Variants in MAPRE2 observed in about 807,000 individuals in gnomAD.
MAPRE2 encodes microtubule-associated protein RP/EB family member 2.
A neutral mutation model predicts 43.2 loss-of-function variants in MAPRE2; 13 were observed. The observed-to-expected ratio is 0.30, with a 90% CI of 0.20 to 0.48. The LOEUF is 0.48. Ranked by LOEUF, MAPRE2 falls within the 20% of genes least tolerant of loss-of-function variation. MAPRE2 has a pLI of 0.99. For synonymous variants in MAPRE2, 135 were observed against 148.8 expected (o/e 0.91, Z 0.68); for missense variants, 161 against 400.2 (o/e 0.40, Z 5.10).
At chr18:34,980,845 A>T (rs1231974464) in intron 1 of MAPRE2, among the ~76,000 whole-genome samples, 1 of 152,212 alleles carries the variant, frequency 6.6e-6, no homozygotes, top group Non-Finnish European at 1.5e-5. Context: ...TGTAGAATAG[A>T]TTAATAGTTA....
In MAPRE2 at chr18:35,025,287, T is replaced by A. The variant is rs1258209606; in HGVS notation, c.-8+19734T>A. Among the ~76,000 whole-genome samples the A allele has an allele frequency of 2.0e-5, 3 of 152,234 alleles. No homozygotes were observed. The East Asian group carries it at 5.8e-4, about 29-fold the overall frequency. On this transcript the variant is annotated intron_variant, in intron 2 of 7. Coordinates refer to the MAPRE2 transcript ENST00000413393. ...GAATGTGAAGCTGCTGTTCAGCCTG[T>A]TGTGTCCAAATGTAAGTGACTGGCC...
chr18:35,137,423 C>T (rs1001954525), intron 6 of MAPRE2, among the ~76,000 whole-genome samples: 2 of 152,244 alleles, frequency 1.3e-5, no homozygotes, highest in African/African-American at 4.8e-5. Flanking sequence ...TTATTACAGG[C>T]TCAATGATTA....
In MAPRE2 at chr18:34,979,152, G is replaced by A. The variant is rs73422616; in HGVS notation, c.-70+2073G>A. 4.4e-3 allele frequency among the ~76,000 whole-genome samples: 666 copies of A among 152,270 alleles called. 4 individuals are homozygous for A. Among genetic ancestry groups the A allele is most frequent in the African/African-American group, 0.015 (635 of 41,538 alleles). On this transcript the variant is annotated intron_variant, in intron 1 of 7. Coordinates refer to the MAPRE2 transcript ENST00000413393. ...CTGTCATCTAGCAGCCTAGCTGGTG[G>A]TGACACCTACCACAACATTTTTCCC...
chr18:35,070,117 A>T (rs939196835), intron 1 of MAPRE2, 78 bp from the exon 2 acceptor site: 7 of 1,339,146 alleles, frequency 5.2e-6, no homozygotes, highest in Middle Eastern at 1.9e-4. Flanking sequence ...TCCTGCCAGG[A>T]TCTTGACCTC....
At chr18:35,011,320 T>G (rs1407023211) in intron 2 of MAPRE2, among the ~76,000 whole-genome samples, 1 of 152,112 alleles carries the variant, frequency 6.6e-6, no homozygotes, top group Admixed American at 6.6e-5. Context: ...GAGGAGGACT[T>G]CAGAGAAAGG....
intron 1 of MAPRE2, 107 bp downstream of exon 1, chr18:35,041,768 C>G: frequency 1.3e-6 from 2 of 1,569,876 alleles, no homozygotes; most frequent in Non-Finnish European, 1.7e-6. Context: ...CTGCTGCAGG[C>G]ATGCATTTGT....
chr18:35,056,809 C>A lies in MAPRE2; in HGVS notation c.123-13386C>A, dbSNP rs560971605. The stretch of plus-strand genomic sequence containing the variant: ...TTTATCCCAAGTTTAACAAAACATT[C>A]TCAATTCAGTAATGACCCCTATCCC... On this transcript the variant is annotated intron_variant, in intron 1 of 6. Coordinates refer to ENST00000300249, the MANE Select transcript of MAPRE2 (RefSeq NM_014268.4). Among the ~76,000 whole-genome samples the A allele has an allele frequency of 1.7e-4, 26 of 152,278 alleles. 1 individual carries two copies. The highest frequency in any genetic ancestry group is 1.6e-3 in the Admixed American group (24 of 15,294).
intron 1 of MAPRE2, among the ~76,000 whole-genome samples, chr18:35,003,707 C>T (rs895525729): frequency 2.0e-5 from 3 of 152,122 alleles, no homozygotes; most frequent in African/African-American, 7.2e-5. Flanking sequence ...GCTTGCACAG[C>T]TACTGGGTAC....
At chr18:34,978,165 C>G in intron 1 of MAPRE2, 1 of 357,476 alleles carries the variant, frequency 2.8e-6, no homozygotes, top group Non-Finnish European at 5.1e-6. Flanking sequence ...GCCAACACTG[C>G]TGTCCCCTCC....
chr18:35,123,089 G>A (rs1909759403), intron 4 of MAPRE2, among the ~76,000 whole-genome samples: 1 of 152,210 alleles, frequency 6.6e-6, no homozygotes, highest in Non-Finnish European at 1.5e-5. Flanking sequence ...GTGTCTCACT[G>A]CTCTCCTGGC....
At position 35,097,333 on chromosome 18, in the gene MAPRE2, C is replaced by G. The variant is rs574340141; in HGVS notation, c.251-113C>G. On this transcript the variant is annotated intron_variant, in intron 2 of 6. Coordinates refer to ENST00000300249, the MANE Select transcript of MAPRE2 (RefSeq NM_014268.4). Reference sequence around the variant, plus strand: ...AGCGCATTGGTAAGAAGGACACACTCTGCTCTGAGTGATGATGGTGCCTGT... The same window carrying G: ...AGCGCATTGGTAAGAAGGACACACTGTGCTCTGAGTGATGATGGTGCCTGT... 3 of 921,102 alleles carry G rather than the reference C, an allele frequency of 3.3e-6. No homozygotes were observed. The East Asian group carries it at 7.2e-5, about 22-fold the overall frequency. 57.1% of individuals were successfully genotyped at this position (921,102 alleles called of 1,614,324 possible). A position where few individuals can be genotyped will look rare whatever the true frequency, so the allele number is the denominator to read the frequency against.
chr18:35,043,809 G>A (rs929983644), intron 1 of MAPRE2, among the ~76,000 whole-genome samples: 2 of 152,160 alleles, frequency 1.3e-5, no homozygotes, highest in African/African-American at 2.4e-5. Flanking sequence ...AGACACATTC[G>A]ATGTTTTTCT....
At chr18:35,095,398 A>ACACG (rs796949717) in intron 2 of MAPRE2, among the ~76,000 whole-genome samples, 3 of 118,824 alleles carry the variant, frequency 2.5e-5, no homozygotes, top group South Asian at 2.7e-4. Context: ...ACACACACAC[A>ACACG]CACGCACACA....
chr18:35,131,169 A>G (rs962596122), intron 5 of MAPRE2, among the ~76,000 whole-genome samples: 6 of 152,142 alleles, frequency 3.9e-5, no homozygotes, highest in Admixed American at 2.0e-4. Context: ...GCGTTTGTCT[A>G]ATGTGGCTCA....
At chr18:34,981,887 A>ATTTTTTTTTTTTTTTTTTTTTT (rs1261290510) in intron 1 of MAPRE2, among the ~76,000 whole-genome samples, 1 of 34,782 alleles carries the variant, frequency 2.9e-5, no homozygotes, top group African/African-American at 5.9e-5. Context: ...ATTTTTATTT[A>ATTTTTTTTTTTTTTTTTTTTTT]TTTTTTTTTT....
intron 2 of MAPRE2, among the ~76,000 whole-genome samples, chr18:35,021,475 A>G (rs2097041915): frequency 6.6e-6 from 1 of 152,146 alleles, no homozygotes; most frequent in South Asian, 2.1e-4. Flanking sequence ...GAAATAAAAT[A>G]GCTAATTTAG....
intron 1 of MAPRE2, among the ~76,000 whole-genome samples, chr18:35,043,572 G>T (rs1323681389): frequency 2.0e-5 from 3 of 152,132 alleles, no homozygotes; most frequent in East Asian, 1.9e-4. Context: ...TTTGCAGTTT[G>T]CTTTCTGAGT....
chr18:35,118,610 C>T (rs1329411485), intron 4 of MAPRE2, among the ~76,000 whole-genome samples: 2 of 152,196 alleles, frequency 1.3e-5, no homozygotes, highest in Admixed American at 6.5e-5. Context: ...GGCCTTTCTG[C>T]AGCTCCCCTC....
Position 35,097,607 on chromosome 18 carries a change from C to G in MAPRE2, c.396+16C>G. On this transcript the variant is annotated intron_variant, in intron 3 of 6. Transcript: ENST00000300249. ...CGTTGATAAGGTAGGAGACTTGTAC[C>G]TCCATAAAATGTGTTGTTTTTTCTT... is the stretch of plus-strand genomic sequence containing the variant. 1 of 1,600,698 alleles carries G rather than the reference C, an allele frequency of 6.2e-7. No individual in the cohort carries two copies.
Sources: gnomAD v4.1 joint callset for allele counts (sites outside exome capture counted in the v4.1 genomes callset) on GRCh38, gnomAD v4.1.1 for gene constraint, MANE v1.5 for transcripts, NCBI Gene and HGNC (gene_info 2026-07-23, HGNC 2026-07-21) for gene names.